Variants in AHRR observed in about 807,000 individuals in gnomAD.
AHRR encodes the protein ahR repressor.
AHRR carries 28 observed loss-of-function variants against 44.0 expected under a neutral mutation model. The ratio of observed to expected loss-of-function variants is 0.64; its 90% CI spans 0.47 to 0.87. The LOEUF (loss-of-function observed/expected upper bound fraction) is 0.87. Among genes scored for constraint, AHRR ranks in the 40% least tolerant of loss-of-function variants. The probability of loss-of-function intolerance (pLI) is 0.00; values close to 1 mark genes in which losing one functional copy is unlikely to be tolerated. For synonymous variants in AHRR, 434 were observed against 407.0 expected (o/e 1.07, Z -0.80); for missense variants, 990 against 953.9 (o/e 1.04, Z -0.50).
At chr5:415,578 G>GGGAGGC in intron 5 of AHRR, among the ~76,000 whole-genome samples, 3 of 148,552 alleles carry the variant, frequency 2.0e-5, no homozygotes, top group African/African-American at 7.6e-5. Context: ...TGCCTGGTCT[G>GGGAGGC]CTGGGAGGCC....
intron 7 of AHRR, among the ~76,000 whole-genome samples, chr5:424,500 C>A (rs72717406): frequency 6.6e-6 from 1 of 152,012 alleles, no homozygotes; most frequent in South Asian, 2.1e-4. Flanking sequence ...CTCTGTGCAC[C>A]CGGCGATGGT....
intron 9 of AHRR, 130 bp downstream of exon 9, chr5:432,654 C>T (rs745625411): frequency 2.9e-5 from 44 of 1,496,532 alleles, no homozygotes; most frequent in Non-Finnish European, 4.0e-5. Flanking sequence ...GACTTGGTGT[C>T]TGTCCTGCTG....
intron 4 of AHRR, among the ~76,000 whole-genome samples, chr5:390,625 A>G (rs188575812): frequency 6.6e-6 from 1 of 152,270 alleles, no homozygotes; most frequent in African/African-American, 2.4e-5. Context: ...CGGGGGTCAG[A>G]GCTCCAGGAA....
intron 3 of AHRR, among the ~76,000 whole-genome samples, chr5:374,280 G>A (rs1399911880): frequency 1.3e-5 from 2 of 152,240 alleles, no homozygotes; most frequent in East Asian, 3.9e-4. Flanking sequence ...CTCTCCTCGG[G>A]CTCGGGGTCA....
At position 397,738 on chromosome 5, in the gene AHRR, G is replaced by A. The variant is rs1296890045; in HGVS notation, c.352-15606G>A. 1.3e-4 allele frequency among the ~76,000 whole-genome samples: 16 copies of A among 121,020 alleles called. 2 individuals are homozygous for A. The highest frequency in any genetic ancestry group is 2.5e-4 in the East Asian group (1 of 4,052). 79.4% of individuals were successfully genotyped at this position (121,020 alleles called of 152,430 possible). The stretch of plus-strand genomic sequence containing the variant: ...GTCCACGTAGCTCCTGACCGTCCAC[G>A]TAGCTCCTGACCGTCCATGTTAGCC... On this transcript the variant is annotated intron_variant, in intron 4 of 10. Transcript: ENST00000684583.
chr5:435,065 C>T lies in AHRR; in HGVS notation c.*231C>T. The T allele has an allele frequency of 1.8e-6, 1 of 567,802 alleles. No homozygotes were observed. The highest frequency in any genetic ancestry group is 2.9e-5 in the East Asian group (1 of 33,994). 35.2% of individuals were successfully genotyped at this position (567,802 alleles called of 1,614,324 possible). Reference sequence around the variant, plus strand: ...AAAACTGGCCTTAAGTCTATTCAAGCATGACAGCATTTCTCTTTGAGGAAT... The same window carrying T: ...AAAACTGGCCTTAAGTCTATTCAAGTATGACAGCATTTCTCTTTGAGGAAT... On this transcript the variant is annotated 3_prime_UTR_variant, in exon 11 of 11. Transcript: ENST00000684583.
chr5:335,971 G>A (rs973032847), intron 1 of AHRR, among the ~76,000 whole-genome samples: 7 of 152,200 alleles, frequency 4.6e-5, no homozygotes, highest in African/African-American at 1.2e-4. Context: ...CCTCAGTTCC[G>A]CAAGCAGCAG....
intron 5 of AHRR, among the ~76,000 whole-genome samples, chr5:415,120 A>C (rs965316924): frequency 6.6e-6 from 1 of 152,248 alleles, no homozygotes; most frequent in Non-Finnish European, 1.5e-5. Context: ...CCCAGGTGAG[A>C]TGCGCACCTG....
At position 397,067 on chromosome 5, in the gene AHRR, G is replaced by A. The variant is rs868489921; in HGVS notation, c.352-16277G>A. Among the ~76,000 whole-genome samples, 621 of 83,894 alleles carry A rather than the reference G, an allele frequency of 7.4e-3. 5 individuals carry two copies. Among genetic ancestry groups the A allele is most frequent in the African/African-American group, 0.056 (455 of 8,102 alleles). The allele number at this position is 83,894 out of a possible 152,430, so 55.0% of individuals were successfully genotyped here. On this transcript the variant is annotated intron_variant, in intron 4 of 10. Transcript: ENST00000684583. ...TCCATGTTAGCCCCTGACCATCCAC[G>A]TAGCCCCTGACCATCCACGTAGCCC...
rs1054208100 is a variant in AHRR, at chr5:404,544, C to A, written c.352-8800C>A. ...ATAACCTCTTCAGAAAAAGAGCAGG[C>A]GTCCTGGGCCGGGGCAGGCGATTGG... On this transcript the variant is annotated intron_variant, in intron 4 of 10. Coordinates refer to ENST00000684583, the MANE Select transcript of AHRR (RefSeq NM_001377236.1). This position sits in a 1 kb window ranked among gnomAD's most constrained non-coding sequence, Gnocchi z 4.1. The A allele has an allele frequency of 3.3e-6, 1 of 305,056 alleles. No homozygotes were observed. The highest frequency in any genetic ancestry group is 4.1e-5 in the Admixed American group (1 of 24,516). The allele number at this position is 305,056 out of a possible 1,614,324, so 18.9% of individuals were successfully genotyped here.
At chr5:403,503 GCGCA>G (rs1560910254) in intron 4 of AHRR, among the ~76,000 whole-genome samples, 5 of 151,956 alleles carry the variant, frequency 3.3e-5, no homozygotes, top group Admixed American at 3.3e-4. Context: ...GGGTGTGGTG[GCGCA>G]TGCCTGTAAT....
intron 1 of AHRR, among the ~76,000 whole-genome samples, chr5:322,096 C>T (rs758179565): frequency 2.0e-5 from 3 of 151,992 alleles, no homozygotes; most frequent in African/African-American, 2.4e-5. Flanking sequence ...TGAGCCTTCA[C>T]TCCCCGGGCG....
intron 5 of AHRR, among the ~76,000 whole-genome samples, chr5:414,528 C>T (rs531670325): frequency 5.3e-4 from 80 of 152,184 alleles, no homozygotes; most frequent in African/African-American, 1.6e-3. Flanking sequence ...CAAAAATACC[C>T]GCCCTGCAAA....
chr5:341,532 CT>C (rs35385059), intron 1 of AHRR, among the ~76,000 whole-genome samples: 48,622 of 103,270 alleles, frequency 0.47, 9,426 homozygotes, highest in South Asian at 0.54. Context: ...CCTTTTCCTT[CT>C]TTTTTTTTTT....
intron 7 of AHRR, among the ~76,000 whole-genome samples, chr5:425,349 C>T (rs76036225): frequency 0.069 from 10,470 of 152,218 alleles, 475 homozygotes; most frequent in Admixed American, 0.13. Context: ...GATGGAGTCT[C>T]GCTCTGTCAC....
intron 2 of AHRR, 127 bp downstream of exon 2, chr5:344,091 G>T: frequency 9.7e-7 from 1 of 1,035,472 alleles, no homozygotes. Flanking sequence ...CGGGCGGGCC[G>T]GGGCTGAGCT....
At chr5:376,507 G>T (rs1733664997) in intron 3 of AHRR, 103 bp from the exon 4 acceptor site, 3 of 1,242,336 alleles carry the variant, frequency 2.4e-6, no homozygotes, top group Admixed American at 5.1e-5. Context: ...TGTCAGGTGA[G>T]AACCGTGGGG....
Position 434,019 on chromosome 5 carries a change from C to A in AHRR, c.1279C>A (p.Arg427Ser). The stretch of plus-strand genomic sequence containing the variant: ...CAGCAAGAATGACCCGCCCTCCCTG[C>A]GCCCCATGCCCCGCGGCTCCTGCCT... ...QPSKNDPPSLRPMPRGSCLPC... is the reference protein window; with the variant it reads ...QPSKNDPPSLSPMPRGSCLPC... The change falls in exon 11 of 11, where the codon CGC becomes AGC. Residue 427 changes from arginine (R) to serine (S), a missense_variant. Coordinates refer to ENST00000684583, the MANE Select transcript of AHRR (RefSeq NM_001377236.1). 6.3e-7 allele frequency: 1 copy of A among 1,590,558 alleles called. No homozygotes were observed. Among genetic ancestry groups the A allele is most frequent in the Middle Eastern group, 1.7e-4 (1 of 5,900 alleles).
Position 421,151 on chromosome 5 carries a change from C to T in AHRR, c.442-1578C>T, listed in dbSNP as rs569370098. The T allele has an allele frequency of 4.4e-5, 25 of 572,460 alleles. No individual in the cohort carries two copies. In the Admixed American group the frequency reaches 5.8e-4, roughly 13 times the overall value. The allele number at this position is 572,460 out of a possible 1,614,324, so 35.5% of individuals were successfully genotyped here. ...GCCTTAACTGGAAGAGGAGCCGCCC[C>T]GCCTGGGAGGCCGCTCTGGCGCCCG... On this transcript the variant is annotated intron_variant, in intron 5 of 10. Coordinates refer to ENST00000684583, the MANE Select transcript of AHRR (RefSeq NM_001377236.1).
Sources: allele counts gnomAD v4.1 joint callset (sites outside exome capture counted in the v4.1 genomes callset), GRCh38; gene constraint gnomAD v4.1.1; non-coding constraint Gnocchi (gnomAD v3.1); transcripts MANE v1.5; gene names NCBI Gene and HGNC (gene_info 2026-07-23, HGNC 2026-07-21).